The following MID2 variants were observed in gnomAD, a reference collection of about 807,000 sequenced individuals.
MID2 encodes probable E3 ubiquitin-protein ligase MID2.
Under a neutral mutation model 46.1 loss-of-function variants are expected in MID2, and 13 were observed. The observed-to-expected ratio is 0.28, with a 90% CI of 0.18 to 0.45. The LOEUF (loss-of-function observed/expected upper bound fraction) is 0.45, where lower values mean the gene tolerates loss of function less well. MID2 is among the 20% of genes least tolerant of loss of function. The pLI, the probability that MID2 is intolerant of heterozygous loss-of-function variation, is 1.00. For synonymous variants in MID2, 199 were observed against 212.3 expected (o/e 0.94, Z 0.55); for missense variants, 431 against 575.4 (o/e 0.75, Z 2.57).
At chrX:107,910,815 TTCCTTTCCTTTCCTTTCCTTTCCC>T in intron 5 of MID2, among the ~76,000 whole-genome samples, 1 of 36,410 alleles carries the variant, frequency 2.7e-5, no homozygotes, top group African/African-American at 3.7e-4. Flanking sequence ...TTCCTTTCCT[TTCCTTTCCTTTCCTTTCCTTTCCC>T]TCTCTCTTTC....
chrX:107,921,875 C>T (rs1933080172), intron 7 of MID2, among the ~76,000 whole-genome samples: 1 of 110,852 alleles, frequency 9.0e-6, no homozygotes, highest in African/African-American at 3.3e-5. Flanking sequence ...GTTCTAGGCT[C>T]ATTTTGACCT....
intron 3 of MID2, among the ~76,000 whole-genome samples, chrX:107,901,536 C>A (rs1369754652): frequency 9.0e-6 from 1 of 111,261 alleles, no homozygotes; most frequent in Non-Finnish European, 1.9e-5. Context: ...TTAATTCAAT[C>A]CAACAAATAA....
intron 3 of MID2, among the ~76,000 whole-genome samples, chrX:107,855,007 A>G (rs1931710338): frequency 8.9e-6 from 1 of 111,879 alleles, no homozygotes; most frequent in South Asian, 3.8e-4. Flanking sequence ...CCATCATCAA[A>G]CTGGACATTA....
chrX:107,865,730 T>C (rs1431752995), intron 3 of MID2, among the ~76,000 whole-genome samples: 3 of 112,534 alleles, frequency 2.7e-5, no homozygotes, highest in Non-Finnish European at 5.6e-5. Flanking sequence ...TGTTCCAGCT[T>C]CTCCTTAGTA....
chrX:107,844,046 T>G lies in MID2; in HGVS notation c.720+2661T>G, dbSNP rs1238373633. On this transcript the variant is annotated intron_variant, in intron 2 of 9. Transcript: ENST00000262843. ...CAGTATCTGATAACAGGGTTTATTT[T>G]TACTTTTTGGTTCTGGAACTTCACT... Among the ~76,000 whole-genome samples, 3 of 111,616 alleles carry G rather than the reference T, an allele frequency of 2.7e-5. No individual in the cohort carries two copies. The East Asian group carries it at 8.4e-4, about 31-fold the overall frequency.
At chrX:107,846,878 C>G (rs954512333) in intron 2 of MID2, among the ~76,000 whole-genome samples, 6 of 112,087 alleles carry the variant, frequency 5.4e-5, no homozygotes, top group Non-Finnish European at 1.1e-4. Flanking sequence ...GAACAATTTA[C>G]AAAATGTTGA....
At chrX:107,854,479 T>C in intron 2 of MID2, 130 bp from the exon 3 acceptor site, 3 of 491,280 alleles carry the variant, frequency 6.1e-6, no homozygotes, top group Admixed American at 5.8e-5. Flanking sequence ...TCATGGCAGA[T>C]GCTAAATGAA....
intron 2 of MID2, among the ~76,000 whole-genome samples, chrX:107,850,985 A>G (rs1371183340): frequency 1.8e-5 from 2 of 112,339 alleles, no homozygotes; most frequent in Non-Finnish European, 3.8e-5. Flanking sequence ...TGGAAACACA[A>G]ATTTCTAATA....
chrX:107,893,537 TA>T (rs1932648419), intron 3 of MID2, among the ~76,000 whole-genome samples: 1 of 112,638 alleles, frequency 8.9e-6, no homozygotes, highest in Non-Finnish European at 1.9e-5. Context: ...CAAGTCAATT[TA>T]AAACTTTTAA....
In MID2 at chrX:107,931,158, C is replaced by T. The variant is rs1169276207; in HGVS notation, c.*4085C>T. ...TGGTTTACATATTTATATATGACTA[C>T]CAAGATGGAGCAATCCACGGATGGA... On this transcript the variant is annotated 3_prime_UTR_variant, in exon 10 of 10. Coordinates refer to ENST00000262843, the MANE Select transcript of MID2 (RefSeq NM_012216.4). 8.9e-6 allele frequency among the ~76,000 whole-genome samples: 1 copy of T among 112,263 alleles called. No homozygotes were observed. The highest frequency in any genetic ancestry group is 1.9e-5 in the Non-Finnish European group (1 of 53,229).
chrX:107,905,336 T>G, intron 4 of MID2, 142 bp from the exon 5 acceptor site: 1 of 425,088 alleles, frequency 2.4e-6, no homozygotes, highest in Non-Finnish European at 3.8e-6. Flanking sequence ...AGAAGGTGAG[T>G]GGTTAGTACA....
chrX:107,922,259 A>G lies in MID2; in HGVS notation c.1436-2084A>G, dbSNP rs192405722. Among the ~76,000 whole-genome samples the G allele has an allele frequency of 8.6e-4, 96 of 111,328 alleles. 1 individual carries two copies. Among genetic ancestry groups the G allele is most frequent in the African/African-American group, 3.0e-3 (93 of 30,678 alleles). ...ATGTACTCATTTGCTCAATCCCATA[A>G]TACATCTAAAATAGTTTCTGAATTG... is the stretch of plus-strand genomic sequence containing the variant. On this transcript the variant is annotated intron_variant, in intron 7 of 9. Coordinates refer to ENST00000262843, the MANE Select transcript of MID2 (RefSeq NM_012216.4).
At chrX:107,902,361 TAGATA>T (rs760689094) in intron 3 of MID2, among the ~76,000 whole-genome samples, 4 of 111,996 alleles carry the variant, frequency 3.6e-5, no homozygotes, top group Non-Finnish European at 3.8e-5. Flanking sequence ...TCTAAGTTTC[TAGATA>T]CTGTAAGCAA....
chrX:107,846,698 A>G (rs976447128), intron 2 of MID2, among the ~76,000 whole-genome samples: 1 of 111,779 alleles, frequency 8.9e-6, no homozygotes, highest in Non-Finnish European at 1.9e-5. Context: ...TATTATTAAC[A>G]GGACCCTGTT....
At position 107,905,471 on chromosome X, in the gene MID2, C is replaced by T. The variant is rs749709519; in HGVS notation, c.925-7C>T. 3.4e-6 allele frequency: 4 copies of T among 1,191,269 alleles called. No homozygotes were observed. The highest frequency in any genetic ancestry group is 3.8e-5 in the South Asian group (2 of 53,295). On this transcript the variant is annotated splice_polypyrimidine_tract_variant and splice_region_variant and intron_variant, in intron 4 of 9. Coordinates refer to ENST00000262843, the MANE Select transcript of MID2 (RefSeq NM_012216.4). ...TCTTATTTTTTTCTTTTACTAATTC[C>T]TTAAAGGTTATGAAACTGAGAAAGT...
chrX:107,831,610 G>A (rs1268144229), intron 1 of MID2, among the ~76,000 whole-genome samples: 1 of 112,124 alleles, frequency 8.9e-6, no homozygotes, highest in Non-Finnish European at 1.9e-5. Flanking sequence ...ATAGGCCTCT[G>A]TTCTCTGTCC....
chrX:107,877,689 A>G lies in MID2; in HGVS notation c.816+22985A>G, dbSNP rs1480376819. ...GCAACCTTTGGGTTCCCAGGGCTTT[A>G]TCTATGCCGTGGAGCATGGCCTCCT... On this transcript the variant is annotated intron_variant, in intron 3 of 9. Coordinates refer to ENST00000262843, the MANE Select transcript of MID2 (RefSeq NM_012216.4). 6.3e-5 allele frequency among the ~76,000 whole-genome samples: 7 copies of G among 111,873 alleles called. No individual in the cohort carries two copies. In the East Asian group the frequency reaches 2.0e-3, roughly 32 times the overall value.
intron 2 of MID2, among the ~76,000 whole-genome samples, chrX:107,844,256 G>A (rs927467716): frequency 5.4e-5 from 6 of 111,641 alleles, no homozygotes. Context: ...GGGGTACTTA[G>A]TTTAGTTTCA....
At chrX:107,866,677 CT>C (rs1472811936) in intron 3 of MID2, among the ~76,000 whole-genome samples, 2 of 112,023 alleles carry the variant, frequency 1.8e-5, no homozygotes, top group African/African-American at 6.5e-5. Flanking sequence ...TCTTCAAGGA[CT>C]TTATAGTCTA....
Sources: allele counts gnomAD v4.1 joint callset (sites outside exome capture counted in the v4.1 genomes callset), GRCh38; gene constraint gnomAD v4.1.1; transcripts MANE v1.5; gene names NCBI Gene and HGNC (gene_info 2026-07-23, HGNC 2026-07-21).